Variants in SH2B2 observed in about 807,000 individuals in gnomAD.
The protein encoded by SH2B2 is SH2B adaptor protein 2, also known as SH2B adapter protein 2.
SH2B2 carries 37 observed loss-of-function variants against 35.7 expected under a neutral mutation model. The observed-to-expected ratio is 1.04, with a 90% CI of 0.80 to 1.36. The LOEUF is 1.36. SH2B2 is among the 40% of genes most tolerant of loss of function. The pLI, the probability that SH2B2 is intolerant of heterozygous loss-of-function variation, is 0.00. For synonymous variants in SH2B2, 383 were observed against 376.4 expected, an observed-to-expected ratio of 1.02 and a Z score of -0.20; for missense variants, 852 against 817.7, an observed-to-expected ratio of 1.04 and a Z score of -0.51.
chr7:102,314,554 C>G lies in SH2B2; in HGVS notation c.1058C>G (p.Ala353Gly). The stretch of plus-strand genomic sequence containing the variant: ...CCCCCAGAGACGACAGCCGTGGGTG[C>G]AGTGGTGACAGCCCCCCACAGCCGA... ...PRPPETTAVG[A>G]VVTAPHSRGR... Residue 353 changes from alanine (A) to glycine (G), a missense_variant, in exon 6 of 9, where the codon GCA (alanine) becomes GGA (glycine). By Grantham distance (60) the Ala-to-Gly change is moderately conservative. This residue lies in a region of SH2B2 where 556 missense variants were observed against 514.5 expected (regional missense o/e 1.08). Coordinates refer to ENST00000444095, the MANE Select transcript of SH2B2 (RefSeq NM_001359228.2). 2.5e-6 allele frequency: 1 copy of G among 398,744 alleles called. No homozygotes were observed. Among genetic ancestry groups the G allele is most frequent in the Non-Finnish European group, 4.4e-6 (1 of 226,190 alleles). 24.7% of individuals were successfully genotyped at this position (398,744 alleles called of 1,614,324 possible). A position where few individuals can be genotyped will look rare whatever the true frequency, so the allele number is the denominator to read the frequency against.
At chr7:102,291,825 G>C (rs532120323) in intron 1 of SH2B2, among the ~76,000 whole-genome samples, 1 of 152,222 alleles carries the variant, frequency 6.6e-6, no homozygotes, top group Admixed American at 6.5e-5. Flanking sequence ...GAATCTGCAG[G>C]GGAGAGAGAG....
At chr7:102,320,281 A>G in intron 7 of SH2B2, 50 bp from the exon 8 acceptor site, 1 of 1,482,796 alleles carries the variant, frequency 6.7e-7, no homozygotes, top group African/African-American at 1.4e-5. Context: ...GCGCTTACCC[A>G]GGTGCCCAGC....
Position 102,314,526 on chromosome 7 carries a change from C to T in SH2B2, c.1030C>T (p.Arg344Cys), listed in dbSNP as rs1317237130. ...ELLTDAVDLP[R>C]PPETTAVGAV... The stretch of plus-strand genomic sequence containing the variant: ...CACTTCCCCAGCAGTCGACCTGCCC[C>T]GCCCCCCAGAGACGACAGCCGTGGG... Residue 344 changes from arginine (R) to cysteine (C), a missense_variant, in exon 6 of 9, where the codon CGC (arginine) becomes TGC (cysteine). This residue lies in a region of SH2B2 where 556 missense variants were observed against 514.5 expected (regional missense o/e 1.08). Transcript: ENST00000444095. 9 of 398,642 alleles carry T rather than the reference C, an allele frequency of 2.3e-5. No homozygotes were observed. The highest frequency in any genetic ancestry group is 4.4e-5 in the Admixed American group (1 of 22,692). 24.7% of individuals were successfully genotyped at this position (398,642 alleles called of 1,614,324 possible).
chr7:102,289,267 G>T (rs1554551359), intron 1 of SH2B2, among the ~76,000 whole-genome samples: 1 of 152,126 alleles, frequency 6.6e-6, no homozygotes, highest in East Asian at 1.9e-4. Flanking sequence ...GGGTGGGGAG[G>T]ACAACCAGCC....
chr7:102,291,859 G>A (rs1032622745), intron 1 of SH2B2, among the ~76,000 whole-genome samples: 2 of 152,202 alleles, frequency 1.3e-5, no homozygotes, highest in East Asian at 3.8e-4. Context: ...CAGCGGGTGG[G>A]AGTCACTCCA....
intron 1 of SH2B2, among the ~76,000 whole-genome samples, chr7:102,287,345 C>G (rs1445538602): frequency 6.6e-6 from 1 of 152,000 alleles, no homozygotes; most frequent in African/African-American, 2.4e-5. Flanking sequence ...CTGGAGGGGC[C>G]GAGCCGCCTC....
chr7:102,301,442 C>CT (rs1456254151), intron 2 of SH2B2, among the ~76,000 whole-genome samples, 163 bp downstream of exon 2: 1 of 152,158 alleles, frequency 6.6e-6, no homozygotes, highest in Non-Finnish European at 1.5e-5. Flanking sequence ...TGTCATGCCT[C>CT]TTGAACAAGT....
intron 7 of SH2B2, 76 bp from the exon 8 acceptor site, chr7:102,320,255 C>A: frequency 8.0e-7 from 1 of 1,251,780 alleles, no homozygotes; most frequent in Non-Finnish European, 1.1e-6. Context: ...CTTGGTCCTT[C>A]CATCAACCCC....
chr7:102,319,110 A>G (rs1793962454), intron 7 of SH2B2, among the ~76,000 whole-genome samples: 1 of 152,184 alleles, frequency 6.6e-6, no homozygotes, highest in East Asian at 1.9e-4. Flanking sequence ...TCCAGCTTAC[A>G]TACCTCCTGG....
At chr7:102,292,872 G>A (rs372449315) in intron 1 of SH2B2, among the ~76,000 whole-genome samples, 15 of 152,254 alleles carry the variant, frequency 9.9e-5, no homozygotes, top group African/African-American at 2.7e-4. Context: ...GGTGCAGGAG[G>A]AAGGGGGGGT....
At position 102,314,413 on chromosome 7, in the gene SH2B2, A is replaced by G; in HGVS notation, c.1001A>G (p.Glu334Gly). The G allele has an allele frequency of 2.5e-6, 1 of 398,750 alleles. No homozygotes were observed. The highest frequency in any genetic ancestry group is 4.4e-6 in the Non-Finnish European group (1 of 226,214). The allele number at this position is 398,750 out of a possible 1,614,324, so 24.7% of individuals were successfully genotyped here. ...AGCCGCGTGGCCTCCTGCAGCTGTGAGCTCCTGACTGATGGTAGGTAGGGG... is the reference window on the plus strand; with the variant it reads ...AGCCGCGTGGCCTCCTGCAGCTGTGGGCTCCTGACTGATGGTAGGTAGGGG... The part of the protein sequence containing the change: ...LASRVASCSC[E>G]LLTDAVDLPR... The change falls in exon 5 of 9, where the codon GAG (glutamate) becomes GGG (glycine). Residue 334 changes from glutamate (E) to glycine (G), a missense_variant. By Grantham distance (98) the Glu-to-Gly change is moderately conservative. Coordinates refer to ENST00000444095, the MANE Select transcript of SH2B2 (RefSeq NM_001359228.2).
At chr7:102,315,145 C>T (rs1336654457) in intron 6 of SH2B2, among the ~76,000 whole-genome samples, 5 of 151,018 alleles carry the variant, frequency 3.3e-5, no homozygotes, top group African/African-American at 9.7e-5. Context: ...GCCAAGATCA[C>T]GCCACTGCAC....
intron 1 of SH2B2, among the ~76,000 whole-genome samples, chr7:102,296,958 G>A (rs549040853): frequency 2.6e-5 from 4 of 152,056 alleles, no homozygotes; most frequent in African/African-American, 9.6e-5. Context: ...CACCCTGGGA[G>A]ACACTGCAAG....
upstream of SH2B2, chr7:102,285,376 C>T (rs1792403879): frequency 4.0e-6 from 3 of 742,150 alleles, no homozygotes; most frequent in Non-Finnish European, 7.0e-6. Context: ...CCCTTCCCGG[C>T]CTCATTCATA....
At chr7:102,321,186 G>A (rs1036016690) in intron 8 of SH2B2, 113 bp from the exon 9 acceptor site, 4 of 934,822 alleles carry the variant, frequency 4.3e-6, no homozygotes, top group Middle Eastern at 3.9e-4. Context: ...GAGGACATGG[G>A]CTGCAACTCG....
intron 4 of SH2B2, among the ~76,000 whole-genome samples, chr7:102,314,100 C>CT (rs1258598676): frequency 2.6e-5 from 4 of 152,072 alleles, no homozygotes; most frequent in African/African-American, 9.7e-5. Flanking sequence ...CTGCTGAGGA[C>CT]TTTGTTTTGC....
At chr7:102,293,931 G>T (rs985510885) in intron 1 of SH2B2, among the ~76,000 whole-genome samples, 5 of 151,984 alleles carry the variant, frequency 3.3e-5, no homozygotes, top group Non-Finnish European at 7.4e-5. Context: ...GGGACCATAG[G>T]AGGAGAGCTG....
chr7:102,297,800 G>A lies in SH2B2; in HGVS notation c.-29-2722G>A, dbSNP rs1034035018. ...GTGAAACTGGCATTCTCGGGGGAAGGGGGTGGAGGGGACACACAACCAAGC... is the reference window on the plus strand; with the variant it reads ...GTGAAACTGGCATTCTCGGGGGAAGAGGGTGGAGGGGACACACAACCAAGC... On this transcript the variant is annotated intron_variant, in intron 1 of 8. Transcript: ENST00000444095. The surrounding 1 kb of genome is among the most constrained non-coding windows in gnomAD (Gnocchi z 4.3). Among the ~76,000 whole-genome samples the A allele has an allele frequency of 2.5e-4, 38 of 152,054 alleles. No homozygotes were observed. The highest frequency in any genetic ancestry group is 8.5e-4 in the African/African-American group (35 of 41,386).
Position 102,315,284 on chromosome 7 carries a change from T to C in SH2B2, c.1186+602T>C, listed in dbSNP as rs143931592. 4.3e-3 allele frequency among the ~76,000 whole-genome samples: 658 copies of C among 152,158 alleles called. 4 individuals carry two copies. The highest frequency in any genetic ancestry group is 6.8e-3 in the Middle Eastern group (2 of 294). On this transcript the variant is annotated intron_variant, in intron 6 of 8. Coordinates refer to ENST00000444095, the MANE Select transcript of SH2B2 (RefSeq NM_001359228.2). ...AGTGTTTTTTGAGGCTGAGGATCACTTGAAGCCAGGAGTTTGAGACTAGCC... is the reference window on the plus strand; with the variant it reads ...AGTGTTTTTTGAGGCTGAGGATCACCTGAAGCCAGGAGTTTGAGACTAGCC...
Sources: gnomAD v4.1 joint callset for allele counts (sites outside exome capture counted in the v4.1 genomes callset) on GRCh38, gnomAD v4.1.1 for gene constraint, gnomAD v4.1.1 regional missense constraint, Gnocchi (gnomAD v3.1) non-coding constraint, MANE v1.5 for transcripts, NCBI Gene and HGNC (gene_info 2026-07-23, HGNC 2026-07-21) for gene names.